TXN: variants seen among roughly 807,000 people sequenced by gnomAD.
TXN encodes ADF.
A neutral mutation model predicts 16.5 loss-of-function variants in TXN; 10 were observed. The observed-to-expected ratio is 0.61, with a 90% CI of 0.37 to 1.03. The LOEUF (loss-of-function observed/expected upper bound fraction) is 1.03. TXN is among the 50% of genes least tolerant of loss of function. The pLI, the probability that TXN is intolerant of heterozygous loss-of-function variation, is 0.01. For synonymous variants in TXN, 35 were observed against 39.4 expected, an observed-to-expected ratio of 0.89 and a Z score of 0.42; for missense variants, 71 against 122.5, an observed-to-expected ratio of 0.58 and a Z score of 1.98.
At chr9:110,251,586 C>CAAAA (rs5899890) in intron 1 of TXN, 124 bp from the exon 2 acceptor site, 4,166 of 56,238 alleles carry the variant, frequency 0.074, 561 homozygotes, top group East Asian at 0.15. Context: ...ACTTTTTAGC[C>CAAAA]AAAAAAAAAA....
Position 110,250,939 on chromosome 9 carries a change from T to G in TXN, c.130-60A>C, listed in dbSNP as rs185568597. 1.7e-5 allele frequency: 20 copies of G among 1,207,846 alleles called. No homozygotes were observed. In the Admixed American group the frequency reaches 3.5e-4, roughly 21 times the overall value. 74.8% of individuals were successfully genotyped at this position (1,207,846 alleles called of 1,614,324 possible). ...TAGAACTAGGTAATGGCAATCAACA[T>G]ACCCAAGCTTCTTAAATGGAAACTT... On this transcript the variant is annotated intron_variant, in intron 2 of 4. Coordinates refer to ENST00000374517, the MANE Select transcript of TXN (RefSeq NM_003329.4).
intron 3 of TXN, among the ~76,000 whole-genome samples, chr9:110,245,648 ATATATATTTTTTTT>A (rs1457663682): frequency 1.7e-4 from 4 of 23,534 alleles, no homozygotes; most frequent in East Asian, 1.4e-3. Flanking sequence ...ATATATATAT[ATATATATTTTTTTT>A]TTTTTTTTTT....
chr9:110,250,757 G>T, intron 3 of TXN, 63 bp downstream of exon 3: 1 of 1,204,398 alleles, frequency 8.3e-7, no homozygotes, highest in Non-Finnish European at 1.2e-6. Context: ...AAAGCACTGT[G>T]CAATTCAGAG....
At chr9:110,245,602 T>TATAC (rs200327890) in intron 3 of TXN, among the ~76,000 whole-genome samples, 14 of 62,502 alleles carry the variant, frequency 2.2e-4, no homozygotes, top group African/African-American at 4.5e-4. Flanking sequence ...TGTATATATA[T>TATAC]ACACACACAC....
intron 3 of TXN, among the ~76,000 whole-genome samples, chr9:110,249,122 TCTCA>T (rs1173179505): frequency 3.1e-5 from 2 of 63,818 alleles, no homozygotes; most frequent in Non-Finnish European, 5.1e-5. Context: ...GTGAACTCCA[TCTCA>T]AAAAAAAAAA....
At chr9:110,254,153 A>T (rs1300085628) in intron 1 of TXN, among the ~76,000 whole-genome samples, 1 of 152,236 alleles carries the variant, frequency 6.6e-6, no homozygotes, top group Non-Finnish European at 1.5e-5. Flanking sequence ...AGTACCTCAG[A>T]AACAGAATTG....
At chr9:110,244,299 T>TTATATATATACATATGTATATG in intron 4 of TXN, 80 bp from the exon 5 acceptor site, 2 of 367,000 alleles carry the variant, frequency 5.4e-6, no homozygotes, top group South Asian at 6.2e-5. Context: ...AAATATGTAT[T>TTATATATATACATATGTATATG]TATATATATA....
intron 3 of TXN, among the ~76,000 whole-genome samples, chr9:110,245,640 ATATATATATATATATTT>A (rs1290056553): frequency 0.034 from 1,022 of 30,460 alleles, 92 homozygotes; most frequent in African/African-American, 0.14. Flanking sequence ...ATATATATAT[ATATATATATATATATTT>A]TTTTTTTTTT....
intron 3 of TXN, among the ~76,000 whole-genome samples, chr9:110,249,091 CACTCCACCCCAGGTGACAGAGTGA>C: frequency 7.9e-6 from 1 of 127,092 alleles, no homozygotes; most frequent in South Asian, 2.7e-4. Flanking sequence ...CATGCCACTG[CACTCCACCCCAGGTGACAGAGTGA>C]ACTCCATCTC....
Position 110,250,802 on chromosome 9 carries a change from A to C in TXN, c.189+18T>G, listed in dbSNP as rs199809231. On this transcript the variant is annotated intron_variant, in intron 3 of 4. Coordinates refer to ENST00000374517, the MANE Select transcript of TXN (RefSeq NM_003329.4). ...AATGTGAAAAGCTCAGCAGTATCTC[A>C]TATTTCCAGCTACATACCTGACAGT... The C allele has an allele frequency of 5.6e-6, 9 of 1,595,102 alleles. No individual in the cohort carries two copies. The highest frequency in any genetic ancestry group is 7.7e-6 in the Non-Finnish European group (9 of 1,166,754).
In TXN at chr9:110,245,634, ATATATATATATATATATATATT is replaced by A. The variant is rs1408858131; in HGVS notation, c.190-813_190-792del. ...ACACACACACTATATATATATATAT[ATATATATATATATATATATATT>A]TTTTTTTTTTTTTTTTTATAGGGAC... On this transcript the variant is annotated intron_variant, in intron 3 of 4. Transcript: ENST00000374517. Among the ~76,000 whole-genome samples, 32 of 23,468 alleles carry A rather than the reference ATATATATATATATATATATATT, an allele frequency of 1.4e-3. 1 individual carries two copies. Among genetic ancestry groups the A allele is most frequent in the African/African-American group, 6.7e-3 (32 of 4,758 alleles). The allele number at this position is 23,468 out of a possible 152,430, so 15.4% of individuals were successfully genotyped here. A position where few individuals can be genotyped will look rare whatever the true frequency, so the allele number is the denominator to read the frequency against.
intron 3 of TXN, 49 bp downstream of exon 3, chr9:110,250,771 A>G: frequency 7.2e-7 from 1 of 1,379,786 alleles, no homozygotes. Context: ...TTCAGAGAAA[A>G]AGGCCAATGT....
intron 3 of TXN, among the ~76,000 whole-genome samples, chr9:110,249,656 C>A (rs189496213): frequency 2.8e-3 from 429 of 152,216 alleles, no homozygotes; most frequent in African/African-American, 9.8e-3. Flanking sequence ...CAGGGGTTGC[C>A]CAAGGCACAG....
intron 3 of TXN, among the ~76,000 whole-genome samples, chr9:110,245,802 T>C (rs1002691244): frequency 6.6e-6 from 1 of 151,166 alleles, no homozygotes; most frequent in African/African-American, 2.4e-5. Flanking sequence ...CTCCTGCTTA[T>C]TTTTAATTAA....
intron 3 of TXN, among the ~76,000 whole-genome samples, chr9:110,245,636 A>AC (rs1238668546): frequency 1.6e-4 from 4 of 25,612 alleles, no homozygotes; most frequent in Non-Finnish European, 2.1e-4. Flanking sequence ...ATATATATAT[A>AC]TATATATATA....
chr9:110,249,267 G>A (rs1240992080), intron 3 of TXN, among the ~76,000 whole-genome samples: 2 of 144,920 alleles, frequency 1.4e-5, no homozygotes, highest in African/African-American at 5.1e-5. Flanking sequence ...ATTAAAACAA[G>A]GGATAAGGAT....
At chr9:110,251,802 T>C (rs887585262) in intron 1 of TXN, among the ~76,000 whole-genome samples, 4 of 152,190 alleles carry the variant, frequency 2.6e-5, no homozygotes, top group Non-Finnish European at 5.9e-5. Flanking sequence ...TAGACATTTG[T>C]ATTAAAAATG....
intron 1 of TXN, 124 bp from the exon 2 acceptor site, chr9:110,251,586 CAAAAAA>C (rs5899890): frequency 0.024 from 1,360 of 56,282 alleles, 15 homozygotes; most frequent in Non-Finnish European, 0.037. Context: ...ACTTTTTAGC[CAAAAAA>C]AAAAAAAAAA....
chr9:110,252,111 C>A (rs1429912675), intron 1 of TXN, among the ~76,000 whole-genome samples: 1 of 151,374 alleles, frequency 6.6e-6, no homozygotes, highest in Non-Finnish European at 1.5e-5. Context: ...GTAGTCCCAG[C>A]CACTCAGGAG....
Sources: gnomAD v4.1 joint callset for allele counts (sites outside exome capture counted in the v4.1 genomes callset) on GRCh38, gnomAD v4.1.1 for gene constraint, MANE v1.5 for transcripts, NCBI Gene and HGNC (gene_info 2026-07-23, HGNC 2026-07-21) for gene names.